Variants in ZNF277 observed in about 807,000 individuals in gnomAD.
ZNF277 encodes nuclear receptor-interacting factor 4.
A neutral mutation model predicts 60.7 loss-of-function variants in ZNF277; 55 were observed. The observed-to-expected ratio is 0.91, with a 90% CI of 0.73 to 1.13. The LOEUF (loss-of-function observed/expected upper bound fraction) is 1.13. Ranked by LOEUF, ZNF277 falls within the 50% of genes most tolerant of loss-of-function variation. ZNF277 has a pLI of 0.00. For missense variants in ZNF277, 510 were observed against 523.0 expected (o/e 0.98, Z 0.24); for synonymous variants, 178 against 179.3 (o/e 0.99, Z 0.06).
intron 1 of ZNF277, among the ~76,000 whole-genome samples, chr7:112,235,582 CTGTACCCATTTT>C (rs1433949659): frequency 6.6e-6 from 1 of 151,898 alleles, no homozygotes; most frequent in African/African-American, 2.4e-5. Flanking sequence ...TATTTAAATC[CTGTACCCATTTT>C]TGAATTGGGT....
intron 1 of ZNF277, among the ~76,000 whole-genome samples, chr7:112,244,390 A>C (rs1343539439): frequency 1.3e-5 from 2 of 152,148 alleles, no homozygotes; most frequent in African/African-American, 4.8e-5. Context: ...TTTTACTCGT[A>C]TTTCTGATAG....
intron 1 of ZNF277, among the ~76,000 whole-genome samples, chr7:112,257,840 G>T (rs62473130): frequency 2.0e-5 from 3 of 151,736 alleles, no homozygotes; most frequent in Non-Finnish European, 4.4e-5. Context: ...TAGAGTCAGG[G>T]TCTTGCTCTG....
At chr7:112,252,140 A>G (rs942460157) in intron 1 of ZNF277, among the ~76,000 whole-genome samples, 3 of 152,234 alleles carry the variant, frequency 2.0e-5, no homozygotes, top group African/African-American at 7.2e-5. Context: ...AACTACATGT[A>G]TAGCAAAGCC....
chr7:112,211,086 C>T (rs927227945), intron 1 of ZNF277, among the ~76,000 whole-genome samples: 2 of 152,122 alleles, frequency 1.3e-5, no homozygotes, highest in Admixed American at 1.3e-4. Flanking sequence ...TTTGCTAATG[C>T]TTGGATTCTG....
chr7:112,297,484 A>G (rs1039142310), intron 4 of ZNF277, among the ~76,000 whole-genome samples: 1 of 152,192 alleles, frequency 6.6e-6, no homozygotes, highest in African/African-American at 2.4e-5. Context: ...GCTATTTACC[A>G]TAGTCATATA....
In ZNF277 at chr7:112,337,839, T is replaced by TA. The variant is rs1474589273; in HGVS notation, c.966+14dup. 1 of 1,601,456 alleles carries TA rather than the reference T, an allele frequency of 6.2e-7. No homozygotes were observed. The highest frequency in any genetic ancestry group is 8.5e-7 in the Non-Finnish European group (1 of 1,173,938). The stretch of plus-strand genomic sequence containing the variant: ...TGTCCACATGGAGGTAAGATACCTG[T>TA]ATTTATTTGAATTTTGTTTTATTCT... On this transcript the variant is annotated intron_variant, in intron 9 of 11. Transcript: ENST00000361822.
chr7:112,321,706 T>TTCATTTTATTTCTTCCA (rs1382256709), intron 5 of ZNF277, among the ~76,000 whole-genome samples: 2 of 152,158 alleles, frequency 1.3e-5, no homozygotes, highest in East Asian at 3.8e-4. Context: ...TGATTTGTCC[T>TTCATTTTATTTCTTCCA]TCATTTTTTT....
chr7:112,297,086 C>A (rs889508191), intron 4 of ZNF277, among the ~76,000 whole-genome samples: 4 of 150,868 alleles, frequency 2.7e-5, no homozygotes, highest in Non-Finnish European at 5.9e-5. Context: ...TGCCACCACA[C>A]CTGGCTAATT....
chr7:112,336,881 G>A (rs1793345196), intron 8 of ZNF277, among the ~76,000 whole-genome samples: 2 of 152,142 alleles, frequency 1.3e-5, no homozygotes, highest in South Asian at 4.1e-4. Flanking sequence ...AAGTTTTAAT[G>A]ACACAAAAGG....
chr7:112,289,435 G>A (rs759814569), intron 2 of ZNF277, among the ~76,000 whole-genome samples: 1 of 152,156 alleles, frequency 6.6e-6, no homozygotes, highest in Non-Finnish European at 1.5e-5. Flanking sequence ...TTAATTGAAT[G>A]ATATATATTG....
At chr7:112,255,824 G>A (rs762188450) in intron 1 of ZNF277, among the ~76,000 whole-genome samples, 6 of 152,066 alleles carry the variant, frequency 3.9e-5, no homozygotes, top group South Asian at 2.1e-4. Context: ...CCTTCCTTCC[G>A]TATGCGCCTT....
chr7:112,270,044 A>G (rs1791634278), intron 1 of ZNF277, among the ~76,000 whole-genome samples: 1 of 152,098 alleles, frequency 6.6e-6, no homozygotes, highest in African/African-American at 2.4e-5. Flanking sequence ...GAGCAATCCT[A>G]ATAAAAAGAA....
At chr7:112,206,945 G>A (rs1395859298) in intron 1 of ZNF277, 138 bp downstream of exon 1, 1 of 794,464 alleles carries the variant, frequency 1.3e-6, no homozygotes, top group East Asian at 3.2e-5. Context: ...ACGGGTGGTG[G>A]CCCAGCGGGA....
chr7:112,255,109 C>G (rs769369770), intron 1 of ZNF277, among the ~76,000 whole-genome samples: 5 of 152,124 alleles, frequency 3.3e-5, no homozygotes, highest in Non-Finnish European at 5.9e-5. Context: ...TAATATATTT[C>G]AATTGTGTGG....
intron 4 of ZNF277, among the ~76,000 whole-genome samples, chr7:112,308,616 G>A (rs950573009): frequency 2.0e-5 from 3 of 152,050 alleles, no homozygotes; most frequent in African/African-American, 7.2e-5. Flanking sequence ...AGTGGACTCT[G>A]GTCTAGTGTG....
intron 2 of ZNF277, among the ~76,000 whole-genome samples, chr7:112,293,055 T>G (rs1792245232): frequency 6.6e-6 from 1 of 152,176 alleles, no homozygotes; most frequent in African/African-American, 2.4e-5. Flanking sequence ...TATCAACAAT[T>G]TATTTTGCAC....
chr7:112,216,097 C>A (rs191421906), intron 1 of ZNF277, among the ~76,000 whole-genome samples: 1 of 152,136 alleles, frequency 6.6e-6, no homozygotes, highest in African/African-American at 2.4e-5. Flanking sequence ...TGAGAGTCTG[C>A]GGGCTTATTT....
intron 1 of ZNF277, among the ~76,000 whole-genome samples, chr7:112,220,641 G>T (rs1822002779): frequency 6.6e-6 from 1 of 152,178 alleles, no homozygotes; most frequent in Non-Finnish European, 1.5e-5. Context: ...TGTTAGCAAG[G>T]CCTTATTCAG....
intron 1 of ZNF277, among the ~76,000 whole-genome samples, chr7:112,214,669 G>C (rs549703256): frequency 1.1e-4 from 16 of 152,306 alleles, no homozygotes; most frequent in African/African-American, 3.8e-4. Flanking sequence ...AGCTAAACAG[G>C]ATTTAAACCT....
Sources: allele counts gnomAD v4.1 joint callset (sites outside exome capture counted in the v4.1 genomes callset), GRCh38; gene constraint gnomAD v4.1.1; transcripts MANE v1.5; gene names NCBI Gene and HGNC (gene_info 2026-07-23, HGNC 2026-07-21).